PRKN: variants seen among roughly 807,000 people sequenced by gnomAD.
The protein encoded by PRKN is E3 ubiquitin-protein ligase parkin.
In PRKN, 56 loss-of-function variants were observed where a neutral mutation model predicts 59.5. That is an observed-to-expected ratio of 0.94 (90% confidence interval 0.76 to 1.18). PRKN has a LOEUF of 1.18. Ranked by LOEUF, PRKN falls within the 50% of genes most tolerant of loss-of-function variation. The pLI is 0.00. For synonymous variants in PRKN, 250 were observed against 222.1 expected, an observed-to-expected ratio of 1.13 and a Z score of -1.12; for missense variants, 657 against 596.4, an observed-to-expected ratio of 1.10 and a Z score of -1.06.
chr6:162,050,751 G>A (rs1777601656), intron 5 of PRKN, among the ~76,000 whole-genome samples: 1 of 152,138 alleles, frequency 6.6e-6, no homozygotes, highest in African/African-American at 2.4e-5. Context: ...AGGCCCAGAG[G>A]AGCGTGGTCC....
At chr6:161,539,648 T>C (rs1250319485) in intron 9 of PRKN, among the ~76,000 whole-genome samples, 2 of 152,212 alleles carry the variant, frequency 1.3e-5, no homozygotes, top group African/African-American at 4.8e-5. Flanking sequence ...ACTCAGTCCC[T>C]AAGTAACCAT....
chr6:161,611,272 G>T (rs1351986881), intron 7 of PRKN, among the ~76,000 whole-genome samples: 1 of 152,216 alleles, frequency 6.6e-6, no homozygotes, highest in African/African-American at 2.4e-5. Context: ...AAATCTGTGG[G>T]TCTAGAACTT....
chr6:161,991,321 CAG>C (rs768790297), intron 5 of PRKN, among the ~76,000 whole-genome samples: 116 of 152,210 alleles, frequency 7.6e-4, no homozygotes, highest in Non-Finnish European at 1.2e-3. Context: ...AATGGTAGAG[CAG>C]ACACACAAAG....
intron 4 of PRKN, among the ~76,000 whole-genome samples, chr6:162,173,028 C>T (rs1411608244): frequency 6.6e-6 from 1 of 152,130 alleles, no homozygotes; most frequent in African/African-American, 2.4e-5. Context: ...AATTGAATGG[C>T]TTGGGGATGG....
intron 7 of PRKN, among the ~76,000 whole-genome samples, chr6:161,589,137 G>A (rs765366846): frequency 2.6e-5 from 4 of 152,278 alleles, no homozygotes; most frequent in East Asian, 1.9e-4. Flanking sequence ...ACGGCATGCC[G>A]TCAAGAAACC....
intron 7 of PRKN, among the ~76,000 whole-genome samples, chr6:161,629,345 G>T (rs1013905584): frequency 2.0e-5 from 3 of 152,032 alleles, no homozygotes; most frequent in East Asian, 3.9e-4. Flanking sequence ...TACTGACATC[G>T]GTTAGGGTGC....
chr6:162,531,759 C>A, intron 1 of PRKN, among the ~76,000 whole-genome samples: 1 of 152,060 alleles, frequency 6.6e-6, no homozygotes, highest in Middle Eastern at 3.2e-3. Context: ...CCTACAAAGG[C>A]AATCTAGTCC....
intron 2 of PRKN, among the ~76,000 whole-genome samples, chr6:162,313,597 C>T (rs1176564991): frequency 6.6e-6 from 1 of 152,014 alleles, no homozygotes; most frequent in Non-Finnish European, 1.5e-5. Flanking sequence ...AAGCAATTCT[C>T]CTGTCTCAGC....
At chr6:162,622,302 T>G (rs1474866907) in intron 1 of PRKN, among the ~76,000 whole-genome samples, 6 of 103,256 alleles carry the variant, frequency 5.8e-5, no homozygotes, top group South Asian at 3.7e-4. Flanking sequence ...TTTTTTTTTT[T>G]GTTTTGTTTT....
At chr6:162,375,065 CTT>C (rs1785987869) in intron 2 of PRKN, among the ~76,000 whole-genome samples, 3 of 151,854 alleles carry the variant, frequency 2.0e-5, no homozygotes, top group Admixed American at 2.0e-4. Context: ...AGAATTTAGT[CTT>C]TTGTGTAACA....
chr6:161,350,027 G>A lies in PRKN; in HGVS notation c.*72C>T, dbSNP rs1784456363. The A allele has an allele frequency of 4.0e-6, 4 of 1,000,200 alleles. No individual in the cohort carries two copies. In the Admixed American group the frequency reaches 7.4e-5, roughly 19 times the overall value. The allele number at this position is 1,000,200 out of a possible 1,614,324, so 62.0% of individuals were successfully genotyped here. A position where few individuals can be genotyped will look rare whatever the true frequency, so the allele number is the denominator to read the frequency against. On this transcript the variant is annotated 3_prime_UTR_variant, in exon 12 of 12. Transcript: ENST00000366898. The stretch of plus-strand genomic sequence containing the variant: ...GCGTGTGTGTGTGTGTTTGAAAAGA[G>A]AATTAGAAAATGAAGGTAGACACTG...
intron 6 of PRKN, among the ~76,000 whole-genome samples, chr6:161,932,551 T>TTTTTAC (rs1484816127): frequency 6.6e-6 from 1 of 152,252 alleles, no homozygotes; most frequent in African/African-American, 2.4e-5. Flanking sequence ...TTTATTTTTA[T>TTTTTAC]TTTTACATGC....
At chr6:162,355,977 T>C (rs1012234433) in intron 2 of PRKN, among the ~76,000 whole-genome samples, 3 of 152,180 alleles carry the variant, frequency 2.0e-5, no homozygotes, top group East Asian at 3.9e-4. Context: ...CAGATCCATC[T>C]ATAGGTTGAT....
At chr6:162,208,030 T>A (rs1785034761) in intron 3 of PRKN, among the ~76,000 whole-genome samples, 1 of 152,290 alleles carries the variant, frequency 6.6e-6, no homozygotes, top group South Asian at 2.1e-4. Flanking sequence ...AATTAAACAT[T>A]AGAAAAATTA....
intron 5 of PRKN, among the ~76,000 whole-genome samples, chr6:162,019,546 C>T (rs1023407581): frequency 6.6e-5 from 10 of 152,116 alleles, no homozygotes; most frequent in South Asian, 4.1e-4. Flanking sequence ...TGGCTTATTG[C>T]GCTGATGTGT....
chr6:161,660,683 C>G (rs576559560), intron 7 of PRKN, among the ~76,000 whole-genome samples: 1 of 152,272 alleles, frequency 6.6e-6, no homozygotes, highest in African/African-American at 2.4e-5. Context: ...CTGTCTGGTC[C>G]TCCTCTCACA....
chr6:161,916,909 C>CGGA (rs1778584568), intron 6 of PRKN, among the ~76,000 whole-genome samples: 1 of 152,158 alleles, frequency 6.6e-6, no homozygotes, highest in Non-Finnish European at 1.5e-5. Flanking sequence ...CGCCATTCTC[C>CGGA]TCCTGCCCCA....
intron 6 of PRKN, among the ~76,000 whole-genome samples, chr6:161,841,353 CT>C (rs35323590): frequency 1.9e-3 from 277 of 142,706 alleles, no homozygotes; most frequent in Middle Eastern, 3.6e-3. Context: ...TTTCTTTTTC[CT>C]TTTTTTTTTT....
chr6:161,464,973 G>T (rs1468940365), intron 9 of PRKN, among the ~76,000 whole-genome samples: 1 of 152,216 alleles, frequency 6.6e-6, no homozygotes, highest in Non-Finnish European at 1.5e-5. Context: ...GGTGACAACT[G>T]CTTCTGCAGA....
Sources: gnomAD v4.1 joint callset for allele counts (sites outside exome capture counted in the v4.1 genomes callset) on GRCh38, gnomAD v4.1.1 for gene constraint, MANE v1.5 for transcripts, NCBI Gene and HGNC (gene_info 2026-07-23, HGNC 2026-07-21) for gene names.